Variants in RGL1 observed in about 807,000 individuals in gnomAD.
RGL1 encodes the protein ral guanine nucleotide dissociation stimulator like 1.
Under a neutral mutation model 95.2 loss-of-function variants are expected in RGL1, and 24 were observed. The ratio of observed to expected loss-of-function variants is 0.25; its 90% CI spans 0.18 to 0.35. The LOEUF is 0.35. Among genes scored for constraint, RGL1 ranks in the 10% least tolerant of loss-of-function variants. RGL1 has a pLI of 1.00. For missense variants in RGL1, 715 were observed against 936.3 expected, an observed-to-expected ratio of 0.76 and a Z score of 3.08; for synonymous variants, 329 against 344.9, an observed-to-expected ratio of 0.95 and a Z score of 0.51.
chr1:183,907,604 T>C (rs996298027), intron 14 of RGL1, among the ~76,000 whole-genome samples: 35 of 152,204 alleles, frequency 2.3e-4, no homozygotes, highest in African/African-American at 8.4e-4. Flanking sequence ...TGCTCTTTCT[T>C]CATGACTGGC....
intron 4 of RGL1, among the ~76,000 whole-genome samples, chr1:183,875,962 T>A (rs1247133807): frequency 6.6e-6 from 1 of 152,086 alleles, no homozygotes; most frequent in Non-Finnish European, 1.5e-5. Flanking sequence ...TTAACAGATC[T>A]TTAAGTCCTC....
intron 2 of RGL1, among the ~76,000 whole-genome samples, chr1:183,773,349 T>G (rs768762624): frequency 1.3e-5 from 2 of 152,244 alleles, no homozygotes; most frequent in Non-Finnish European, 2.9e-5. Flanking sequence ...GCACCTATCC[T>G]GTTCAATTTA....
intron 16 of RGL1, among the ~76,000 whole-genome samples, chr1:183,920,485 G>A (rs187257560): frequency 6.6e-6 from 1 of 152,190 alleles, no homozygotes; most frequent in Non-Finnish European, 1.5e-5. Context: ...ATTCAGCATC[G>A]CTTTGATGGT....
chr1:183,914,841 A>G (rs548394625), intron 15 of RGL1, among the ~76,000 whole-genome samples: 1 of 152,288 alleles, frequency 6.6e-6, no homozygotes, highest in East Asian at 1.9e-4. Flanking sequence ...TAGAGTTTGG[A>G]TAGAGGAACA....
At chr1:183,844,161 A>G (rs1664260018) in intron 2 of RGL1, among the ~76,000 whole-genome samples, 1 of 152,220 alleles carries the variant, frequency 6.6e-6, no homozygotes, top group South Asian at 2.1e-4. Flanking sequence ...TTTGAATATC[A>G]TGCAGGCTGA....
At chr1:183,856,099 T>G (rs1280067618) in intron 3 of RGL1, among the ~76,000 whole-genome samples, 1 of 152,198 alleles carries the variant, frequency 6.6e-6, no homozygotes, top group African/African-American at 2.4e-5. Flanking sequence ...TTGCTTTGCT[T>G]CCTTTCTAGC....
chr1:183,712,758 T>G (rs1483965572), intron 1 of RGL1, among the ~76,000 whole-genome samples: 1 of 152,210 alleles, frequency 6.6e-6, no homozygotes, highest in African/African-American at 2.4e-5. Context: ...TAGACCTTAA[T>G]CCCAGCTCCT....
intron 1 of RGL1, among the ~76,000 whole-genome samples, chr1:183,722,485 G>A (rs1039948903): frequency 3.3e-5 from 5 of 151,964 alleles, no homozygotes; most frequent in Middle Eastern, 6.8e-3. Flanking sequence ...TAAGAAACTC[G>A]GAACATGAAG....
At chr1:183,705,075 G>A (rs191060247) in intron 1 of RGL1, among the ~76,000 whole-genome samples, 44 of 152,288 alleles carry the variant, frequency 2.9e-4, no homozygotes, top group African/African-American at 1.0e-3. Flanking sequence ...TGGAGTAGAC[G>A]GAAAGGTTAG....
chr1:183,926,300 G>C lies in RGL1; in HGVS notation c.*8G>C. The C allele has an allele frequency of 6.3e-7, 1 of 1,598,190 alleles. No homozygotes were observed. Among genetic ancestry groups the C allele is most frequent in the South Asian group, 1.1e-5 (1 of 89,398 alleles). ...AGCAAAATCACCCTCTGAAGGGAGGGACCAGTGGCCCCTTGTTTGCCAAAG... is the reference window on the plus strand; with the variant it reads ...AGCAAAATCACCCTCTGAAGGGAGGCACCAGTGGCCCCTTGTTTGCCAAAG... On this transcript the variant is annotated 3_prime_UTR_variant, in exon 18 of 18. Transcript: ENST00000360851.
chr1:183,713,054 C>G (rs1365272439), intron 1 of RGL1, among the ~76,000 whole-genome samples: 1 of 151,978 alleles, frequency 6.6e-6, no homozygotes. Flanking sequence ...GAGACAGAGT[C>G]TCCCTCTCTC....
intron 2 of RGL1, among the ~76,000 whole-genome samples, chr1:183,745,772 G>T (rs1657587535): frequency 1.3e-5 from 2 of 152,098 alleles, no homozygotes; most frequent in African/African-American, 4.8e-5. Context: ...TTTAGGATGA[G>T]CTTGTTCAGT....
At chr1:183,918,566 G>A (rs1669129524) in intron 16 of RGL1, among the ~76,000 whole-genome samples, 1 of 152,188 alleles carries the variant, frequency 6.6e-6, no homozygotes. Context: ...AGTCTGGGGG[G>A]AACTGTGAGT....
chr1:183,774,072 A>T (rs1659453066), intron 2 of RGL1, among the ~76,000 whole-genome samples: 2 of 152,220 alleles, frequency 1.3e-5, no homozygotes. Context: ...ATATGCACAG[A>T]ACTTACCGGA....
At chr1:183,647,479 T>C in intron 1 of RGL1, 1 of 771,682 alleles carries the variant, frequency 1.3e-6, no homozygotes, top group Non-Finnish European at 1.8e-6. Context: ...GAGATCAAGT[T>C]GCTTATGGAA....
intron 1 of RGL1, chr1:183,646,504 A>G (rs1052444438): frequency 1.3e-5 from 2 of 152,318 alleles, no homozygotes; most frequent in East Asian, 3.9e-4. Flanking sequence ...CATATTTCAA[A>G]GAGGCAAGTG....
chr1:183,885,342 C>G (rs1667054345), intron 7 of RGL1, among the ~76,000 whole-genome samples: 1 of 152,134 alleles, frequency 6.6e-6, no homozygotes, highest in African/African-American at 2.4e-5. Context: ...TTACCTATGC[C>G]CCCTCCCAGT....
intron 2 of RGL1, among the ~76,000 whole-genome samples, chr1:183,789,289 C>CA (rs893114261): frequency 1.6e-3 from 236 of 146,974 alleles, no homozygotes; most frequent in African/African-American, 5.0e-3. Context: ...ACTAAAAATA[C>CA]AAAAAAAAAA....
intron 2 of RGL1, among the ~76,000 whole-genome samples, chr1:183,790,508 G>A (rs1274931716): frequency 1.3e-5 from 2 of 152,240 alleles, no homozygotes; most frequent in African/African-American, 2.4e-5. Context: ...CTTCTCAAGT[G>A]GGAAAGACTA....
Sources: allele counts gnomAD v4.1 joint callset (sites outside exome capture counted in the v4.1 genomes callset), GRCh38; gene constraint gnomAD v4.1.1; transcripts MANE v1.5; gene names NCBI Gene and HGNC (gene_info 2026-07-23, HGNC 2026-07-21).